Variants in SPTBN1 observed in about 807,000 individuals in gnomAD.
SPTBN1 encodes the protein spectrin beta chain, non-erythrocytic 1.
SPTBN1 carries 32 observed loss-of-function variants against 266.4 expected under a neutral mutation model. The ratio of observed to expected loss-of-function variants is 0.12; its 90% CI spans 0.09 to 0.16. SPTBN1 has a LOEUF of 0.16. Ranked by LOEUF, SPTBN1 falls within the 10% of genes least tolerant of loss-of-function variation. The probability of loss-of-function intolerance (pLI) is 1.00; values close to 1 mark genes in which losing one functional copy is unlikely to be tolerated. For synonymous variants in SPTBN1, 1,336 were observed against 1,162.2 expected, an observed-to-expected ratio of 1.15 and a Z score of -3.04; for missense variants, 2,296 against 3,067.1, an observed-to-expected ratio of 0.75 and a Z score of 5.94.
At chr2:54,498,647 C>T (rs1340319559) in intron 1 of SPTBN1, among the ~76,000 whole-genome samples, 1 of 152,008 alleles carries the variant, frequency 6.6e-6, no homozygotes, top group Non-Finnish European at 1.5e-5. Flanking sequence ...TATATACATC[C>T]CTAAAGTGAA....
intron 19 of SPTBN1, among the ~76,000 whole-genome samples, chr2:54,643,954 A>G (rs1383614674): frequency 6.7e-6 from 1 of 150,074 alleles, no homozygotes; most frequent in Non-Finnish European, 1.5e-5. Context: ...CCTGGGTGAT[A>G]GAACGAGACT....
chr2:54,653,894 T>TCC lies in SPTBN1; in HGVS notation c.5822+41_5822+42insCC. ...CAAAGGAAATTGGACTTATTGGCGC[T>TCC]TGGTTAAAACACAGGAGTCTTCCAG... On this transcript the variant is annotated intron_variant, in intron 27 of 35. Transcript: ENST00000356805. This position sits in a 1 kb window ranked among gnomAD's most constrained non-coding sequence, Gnocchi z 5.1. The TCC allele has an allele frequency of 6.3e-7, 1 of 1,594,656 alleles. No individual in the cohort carries two copies. The highest frequency in any genetic ancestry group is 8.5e-7 in the Non-Finnish European group (1 of 1,175,296).
intron 26 of SPTBN1, among the ~76,000 whole-genome samples, chr2:54,650,980 G>A (rs1315964865): frequency 6.6e-6 from 1 of 152,134 alleles, no homozygotes; most frequent in Non-Finnish European, 1.5e-5. Context: ...CTTAATTCCT[G>A]TCACTATGAT....
At chr2:54,460,892 C>A (rs1693331715) in intron 1 of SPTBN1, among the ~76,000 whole-genome samples, 1 of 152,156 alleles carries the variant, frequency 6.6e-6, no homozygotes, top group Admixed American at 6.5e-5. Context: ...TTCCCAGCTA[C>A]TCGGGAGGCT....
chr2:54,591,206 G>A (rs1675659387), intron 2 of SPTBN1, among the ~76,000 whole-genome samples: 1 of 152,188 alleles, frequency 6.6e-6, no homozygotes, highest in South Asian at 2.1e-4. Context: ...TATGCACTTT[G>A]TAATATTGGA....
At chr2:54,486,631 A>G (rs2103978864) in intron 1 of SPTBN1, among the ~76,000 whole-genome samples, 1 of 151,970 alleles carries the variant, frequency 6.6e-6, no homozygotes, top group East Asian at 1.9e-4. Context: ...ACCTTTTTTC[A>G]CTTGTTTATC....
chr2:54,469,377 T>G (rs1693802634), intron 1 of SPTBN1, among the ~76,000 whole-genome samples: 1 of 152,134 alleles, frequency 6.6e-6, no homozygotes, highest in Admixed American at 6.5e-5. Context: ...GGCCTTCTTC[T>G]GGGGTTTAAA....
At chr2:54,498,630 G>A (rs955755549) in intron 1 of SPTBN1, among the ~76,000 whole-genome samples, 3 of 152,118 alleles carry the variant, frequency 2.0e-5, no homozygotes, top group African/African-American at 4.8e-5. Context: ...CCTAAATAAC[G>A]CAACTATATA....
At chr2:54,525,514 G>A (rs1309915275) in intron 1 of SPTBN1, among the ~76,000 whole-genome samples, 2 of 152,168 alleles carry the variant, frequency 1.3e-5, no homozygotes, top group African/African-American at 2.4e-5. Flanking sequence ...GATTAGAGGC[G>A]TGAGTCACTG....
intron 1 of SPTBN1, among the ~76,000 whole-genome samples, chr2:54,478,242 G>A (rs1341155768): frequency 6.6e-6 from 1 of 152,058 alleles, no homozygotes; most frequent in African/African-American, 2.4e-5. Context: ...ACTCTCTTAT[G>A]AGAACGCTCG....
At chr2:54,501,099 C>A (rs1299846958) in intron 1 of SPTBN1, among the ~76,000 whole-genome samples, 1 of 152,148 alleles carries the variant, frequency 6.6e-6, no homozygotes, top group Non-Finnish European at 1.5e-5. Flanking sequence ...GATCTTCTCT[C>A]GGGGCTCGTG....
chr2:54,568,315 A>T (rs1483803305), intron 2 of SPTBN1, among the ~76,000 whole-genome samples: 1 of 144,582 alleles, frequency 6.9e-6, no homozygotes, highest in African/African-American at 2.6e-5. Flanking sequence ...GCACCACTGC[A>T]TTCCAGCCTG....
At chr2:54,655,797 T>C (rs1353771963) in intron 28 of SPTBN1, 117 bp from the exon 29 acceptor site, 5 of 697,628 alleles carry the variant, frequency 7.2e-6, no homozygotes, top group Admixed American at 7.0e-5. Flanking sequence ...TCCTTAGATA[T>C]CTCCCAGCTT....
At chr2:54,657,325 C>G (rs1273296498) in intron 29 of SPTBN1, among the ~76,000 whole-genome samples, 1 of 152,200 alleles carries the variant, frequency 6.6e-6, no homozygotes, top group Non-Finnish European at 1.5e-5. Context: ...GCCCATCTGG[C>G]TACGTGTAGA....
chr2:54,563,593 C>CTTTTTTTTTT (rs750173696), intron 2 of SPTBN1, among the ~76,000 whole-genome samples: 1 of 64,440 alleles, frequency 1.6e-5, no homozygotes, highest in African/African-American at 6.5e-5. Context: ...AAAATTTATT[C>CTTTTTTTTTT]TTTTTTTTTT....
intron 2 of SPTBN1, among the ~76,000 whole-genome samples, chr2:54,568,659 T>C (rs1390373058): frequency 6.6e-6 from 1 of 152,206 alleles, no homozygotes; most frequent in Non-Finnish European, 1.5e-5. Flanking sequence ...CCTGCAGTTC[T>C]AGAAATTTGT....
chr2:54,562,533 C>CTTTTTTTCTTT lies in SPTBN1; in HGVS notation c.148+35974_148+35975insCTTTTTTTTTT, dbSNP rs746897447. ...AAATGCTTACTTTTCTTTTCTTTTT[C>CTTTTTTTCTTT]TTTTTTTTTTTTGAGGCAAGGTCTG... is the stretch of plus-strand genomic sequence containing the variant. On this transcript the variant is annotated intron_variant, in intron 2 of 35. Coordinates refer to ENST00000356805, the MANE Select transcript of SPTBN1 (RefSeq NM_003128.3). Among the ~76,000 whole-genome samples, 6 of 126,822 alleles carry CTTTTTTTCTTT rather than the reference C, an allele frequency of 4.7e-5. 2 individuals are homozygous for CTTTTTTTCTTT. Among genetic ancestry groups the CTTTTTTTCTTT allele is most frequent in the Admixed American group, 8.2e-5 (1 of 12,188 alleles). 83.2% of individuals were successfully genotyped at this position (126,822 alleles called of 152,430 possible).
chr2:54,594,945 C>T (rs538128488), intron 2 of SPTBN1, among the ~76,000 whole-genome samples: 3 of 149,638 alleles, frequency 2.0e-5, no homozygotes, highest in Non-Finnish European at 4.4e-5. Flanking sequence ...AGTGATTCTC[C>T]TGCCTCAGCC....
chr2:54,662,447 G>A (rs1021689489), intron 32 of SPTBN1: 1 of 403,306 alleles, frequency 2.5e-6, no homozygotes, highest in African/African-American at 2.2e-5. Context: ...AGGCTTCCCT[G>A]GCCTTCATCT....
Sources: gnomAD v4.1 joint callset for allele counts (sites outside exome capture counted in the v4.1 genomes callset) on GRCh38, gnomAD v4.1.1 for gene constraint, Gnocchi (gnomAD v3.1) non-coding constraint, MANE v1.5 for transcripts, NCBI Gene and HGNC (gene_info 2026-07-23, HGNC 2026-07-21) for gene names.